MAP4K4: variants seen among roughly 807,000 people sequenced by gnomAD.
The protein encoded by MAP4K4 is mitogen-activated protein kinase kinase kinase kinase 4.
Under a neutral mutation model 189.6 loss-of-function variants are expected in MAP4K4, and 38 were observed. The observed-to-expected ratio is 0.20, with a 90% CI of 0.15 to 0.26. The LOEUF is 0.26. MAP4K4 is among the 10% of genes least tolerant of loss of function. The probability of loss-of-function intolerance (pLI) is 1.00; values close to 1 mark genes in which losing one functional copy is unlikely to be tolerated. For missense variants in MAP4K4, 1,054 were observed against 1,726.9 expected (o/e 0.61, Z 6.91); for synonymous variants, 610 against 624.3 (o/e 0.98, Z 0.34).
chr2:101,725,418 C>G (rs998288406), intron 2 of MAP4K4, among the ~76,000 whole-genome samples: 1 of 149,630 alleles, frequency 6.7e-6, no homozygotes, highest in Non-Finnish European at 1.5e-5. Context: ...AAAAAAAAAC[C>G]AAAAAACAAA....
At chr2:101,768,430 C>T (rs1359913663) in intron 2 of MAP4K4, among the ~76,000 whole-genome samples, 3 of 152,238 alleles carry the variant, frequency 2.0e-5, no homozygotes, top group African/African-American at 4.8e-5. Context: ...TGTTCTAAAA[C>T]ACCACATTGC....
intron 12 of MAP4K4, 75 bp from the exon 13 acceptor site, chr2:101,855,902 C>A: frequency 1.4e-6 from 2 of 1,420,074 alleles, no homozygotes; most frequent in Non-Finnish European, 1.9e-6. Flanking sequence ...CTGGCACTGA[C>A]TGATCAGCAC....
chr2:101,828,445 G>C (rs2096459414), intron 5 of MAP4K4, among the ~76,000 whole-genome samples: 1 of 152,144 alleles, frequency 6.6e-6, no homozygotes, highest in South Asian at 2.1e-4. Flanking sequence ...TCAGTGCTTT[G>C]CGGTATAATA....
At position 101,739,235 on chromosome 2, in the gene MAP4K4, ATC is replaced by A. The variant is rs2061638096; in HGVS notation, c.123+40699_123+40700del. On this transcript the variant is annotated intron_variant, in intron 2 of 32. Transcript: ENST00000324219. ...CACACATCTGATGTTCAGAAAACAA[ATC>A]TTTAAATGTGGACAGTAGTTCCCAA... 2.6e-5 allele frequency among the ~76,000 whole-genome samples: 4 copies of A among 152,304 alleles called. No individual in the cohort carries two copies. In the South Asian group the frequency reaches 8.3e-4, roughly 32 times the overall value.
intron 3 of MAP4K4, among the ~76,000 whole-genome samples, chr2:101,793,534 G>A (rs555512821): frequency 6.6e-6 from 1 of 151,846 alleles, no homozygotes; most frequent in East Asian, 1.9e-4. Flanking sequence ...GGCTATTGGA[G>A]CGGGTTCTCT....
intron 16 of MAP4K4, among the ~76,000 whole-genome samples, chr2:101,863,118 C>G (rs2097713958): frequency 6.6e-6 from 1 of 152,012 alleles, no homozygotes; most frequent in Non-Finnish European, 1.5e-5. Flanking sequence ...AAGGAATACC[C>G]CAACAATAGT....
intron 12 of MAP4K4, among the ~76,000 whole-genome samples, chr2:101,853,172 C>A (rs1028709425): frequency 6.6e-6 from 1 of 152,188 alleles, no homozygotes; most frequent in African/African-American, 2.4e-5. Context: ...TTTGTCTATA[C>A]AGTCCTTATA....
intron 3 of MAP4K4, among the ~76,000 whole-genome samples, chr2:101,794,054 T>G (rs570553242): frequency 6.6e-6 from 1 of 152,318 alleles, no homozygotes; most frequent in Non-Finnish European, 1.5e-5. Context: ...TTGACTATCC[T>G]TAGGATTTTG....
intron 26 of MAP4K4, among the ~76,000 whole-genome samples, chr2:101,875,573 G>A (rs1040420944): frequency 6.6e-6 from 1 of 152,122 alleles, no homozygotes; most frequent in Non-Finnish European, 1.5e-5. Flanking sequence ...GTGTGGGTGG[G>A]TGTGGGCATA....
intron 12 of MAP4K4, among the ~76,000 whole-genome samples, chr2:101,853,303 A>G (rs938783846): frequency 6.6e-6 from 1 of 152,236 alleles, no homozygotes; most frequent in Non-Finnish European, 1.5e-5. Flanking sequence ...ATATAGAGAC[A>G]GTGGGGGAAC....
At chr2:101,704,618 G>A (rs944911870) in intron 2 of MAP4K4, among the ~76,000 whole-genome samples, 3 of 122,854 alleles carry the variant, frequency 2.4e-5, no homozygotes, top group Admixed American at 9.7e-5. Flanking sequence ...TGTCGCCCAG[G>A]CTGGAGTGCA....
At chr2:101,774,412 A>AT (rs1426294413) in intron 2 of MAP4K4, among the ~76,000 whole-genome samples, 15 of 151,898 alleles carry the variant, frequency 9.9e-5, no homozygotes, top group Admixed American at 9.8e-4. Context: ...AGATTATTAG[A>AT]TTTTTTTCCT....
At chr2:101,887,907 C>T in exon 31 of MAP4K4, 1 of 1,610,764 alleles carries the variant, frequency 6.2e-7, no homozygotes, top group Non-Finnish European at 8.5e-7. Flanking sequence ...GGATGTAGTT[C>T]TACAGTGGGG....
chr2:101,798,843 A>G (rs1157395500), intron 3 of MAP4K4, among the ~76,000 whole-genome samples: 2 of 152,220 alleles, frequency 1.3e-5, no homozygotes, highest in Non-Finnish European at 2.9e-5. Context: ...ATAATTTTCC[A>G]TGTCATTCTC....
Position 101,844,323 on chromosome 2 carries a change from A to G in MAP4K4, c.1233+12A>G. 6.4e-7 allele frequency: 1 copy of G among 1,551,354 alleles called. No homozygotes were observed. The highest frequency in any genetic ancestry group is 8.7e-7 in the Non-Finnish European group (1 of 1,146,840). Reference sequence around the variant, plus strand: ...GACGGCTAGAAGAGGTAGCAAAAGGAAAATGTCCAAGTTGGTTGGTCTTTT... The same window carrying G: ...GACGGCTAGAAGAGGTAGCAAAAGGGAAATGTCCAAGTTGGTTGGTCTTTT... On this transcript the variant is annotated intron_variant, in intron 12 of 32. Coordinates refer to ENST00000324219, the Ensembl canonical transcript of MAP4K4.
In MAP4K4 at chr2:101,698,100, CA is replaced by C. The variant is rs1364287113; in HGVS notation, c.25del (p.Ser9ValfsTer62). On this transcript the variant is annotated frameshift_variant, in exon 1 of 33. Transcript: ENST00000324219. LOFTEE classifies it high-confidence loss of function. The stretch of plus-strand genomic sequence containing the variant: ...GGGAAAATGGCGAACGACTCCCCTG[CA>C]AAAAGTCTGGTGGACATCGACCTCT... 5.3e-6 allele frequency: 7 copies of C among 1,320,268 alleles called. No individual in the cohort carries two copies. Among genetic ancestry groups the C allele is most frequent in the Non-Finnish European group, 6.0e-6 (6 of 1,000,972 alleles). 81.8% of individuals were successfully genotyped at this position (1,320,268 alleles called of 1,614,324 possible).
At chr2:101,891,306 G>T (rs2098564329) in exon 33 of MAP4K4, 42 of 1,477,524 alleles carry the variant, frequency 2.8e-5, no homozygotes, top group Non-Finnish European at 4.0e-5. Context: ...CTGAGAACTT[G>T]GAATTCCTTG....
chr2:101,704,559 A>T (rs2040985971), intron 2 of MAP4K4, among the ~76,000 whole-genome samples: 4 of 64,130 alleles, frequency 6.2e-5, no homozygotes, highest in African/African-American at 1.8e-4. Flanking sequence ...ATATATATAT[A>T]TATATATATT....
chr2:101,834,619 A>G (rs1489030847), intron 8 of MAP4K4, among the ~76,000 whole-genome samples, 156 bp downstream of exon 8: 2 of 152,202 alleles, frequency 1.3e-5, no homozygotes, highest in Non-Finnish European at 2.9e-5. Context: ...TTAGATGTAG[A>G]AGGAATTCTT....
Sources: allele counts gnomAD v4.1 joint callset (sites outside exome capture counted in the v4.1 genomes callset), GRCh38; gene constraint gnomAD v4.1.1; transcripts MANE v1.5; gene names NCBI Gene and HGNC (gene_info 2026-07-23, HGNC 2026-07-21).